CHRNB3: variants seen among roughly 807,000 people sequenced by gnomAD.
The protein encoded by CHRNB3 is cholinergic receptor nicotinic beta 3 subunit, also known as neuronal acetylcholine receptor subunit beta-3.
In CHRNB3, 37 loss-of-function variants were observed where a neutral mutation model predicts 40.6. The ratio of observed to expected loss-of-function variants is 0.91; its 90% CI spans 0.70 to 1.20. The LOEUF is 1.20. Ranked by LOEUF, CHRNB3 falls within the 50% of genes most tolerant of loss-of-function variation. CHRNB3 has a pLI of 0.00. For synonymous variants in CHRNB3, 207 were observed against 207.1 expected, an observed-to-expected ratio of 1.00 and a Z score of 0.00; for missense variants, 505 against 551.2, an observed-to-expected ratio of 0.92 and a Z score of 0.84.
chr8:42,710,638 G>A (rs1466991732), intron 3 of CHRNB3, among the ~76,000 whole-genome samples: 1 of 152,190 alleles, frequency 6.6e-6, no homozygotes, highest in East Asian at 1.9e-4. Context: ...TGTTGTGCGT[G>A]GTTGCTCTCA....
intron 1 of CHRNB3, among the ~76,000 whole-genome samples, chr8:42,701,226 C>CAAAAAAAAAGA (rs1815790535): frequency 4.2e-5 from 3 of 71,478 alleles, no homozygotes; most frequent in South Asian, 1.4e-3. Context: ...GACTCTGTCT[C>CAAAAAAAAAGA]AAAAAAAAAA....
intron 3 of CHRNB3, among the ~76,000 whole-genome samples, chr8:42,712,165 G>A (rs147788615): frequency 0.014 from 2,175 of 151,966 alleles, 47 homozygotes; most frequent in African/African-American, 0.049. Flanking sequence ...GCTAATTTTT[G>A]TATTTTTAGT....
chr8:42,707,097 G>A (rs527710870), intron 1 of CHRNB3, among the ~76,000 whole-genome samples: 3 of 152,284 alleles, frequency 2.0e-5, no homozygotes, highest in African/African-American at 4.8e-5. Flanking sequence ...GTAAGGTTGC[G>A]TCTCTCCCTA....
chr8:42,717,408 C>CAAAAAAAAAAA (rs1816134324), intron 3 of CHRNB3, among the ~76,000 whole-genome samples: 4 of 73,740 alleles, frequency 5.4e-5, no homozygotes, highest in Admixed American at 1.5e-4. Flanking sequence ...AAAAAAAAGC[C>CAAAAAAAAAAA]GACCTGTTGT....
At chr8:42,720,230 C>T (rs1050046996) in intron 3 of CHRNB3, among the ~76,000 whole-genome samples, 1 of 148,522 alleles carries the variant, frequency 6.7e-6, no homozygotes, top group Admixed American at 6.9e-5. Flanking sequence ...ATTCTCCTGC[C>T]TCAGCCTCCT....
chr8:42,734,516 T>C (rs557573934), intron 5 of CHRNB3, among the ~76,000 whole-genome samples: 1 of 150,384 alleles, frequency 6.6e-6, no homozygotes, highest in South Asian at 2.1e-4. Context: ...ACCTTCCGGG[T>C]TCGTGCCATT....
At chr8:42,724,639 T>A (rs1285819630) in intron 3 of CHRNB3, among the ~76,000 whole-genome samples, 1 of 152,030 alleles carries the variant, frequency 6.6e-6, no homozygotes, top group African/African-American at 2.4e-5. Flanking sequence ...GACTCCTTCC[T>A]CCATGGAATG....
intron 5 of CHRNB3, among the ~76,000 whole-genome samples, chr8:42,734,040 G>A (rs1042218496): frequency 3.3e-5 from 5 of 150,940 alleles, no homozygotes; most frequent in Admixed American, 6.6e-5. Flanking sequence ...AGTGGATCAC[G>A]AGGTCAACAG....
intron 3 of CHRNB3, among the ~76,000 whole-genome samples, chr8:42,720,798 A>C (rs368565964): frequency 2.0e-5 from 3 of 152,244 alleles, no homozygotes; most frequent in Non-Finnish European, 2.9e-5. Flanking sequence ...TAGTTCTCTT[A>C]GAACAATTTA....
chr8:42,713,157 C>G (rs1172275681), intron 3 of CHRNB3, among the ~76,000 whole-genome samples: 2 of 152,060 alleles, frequency 1.3e-5, no homozygotes, highest in Non-Finnish European at 2.9e-5. Context: ...AAGCTCTAAT[C>G]TCTCACATAA....
chr8:42,731,923 G>T lies in CHRNB3; in HGVS notation c.616G>T (p.Ala206Ser). 6.2e-7 allele frequency: 1 copy of T among 1,614,114 alleles called. No homozygotes were observed. The highest frequency in any genetic ancestry group is 2.2e-5 in the East Asian group (1 of 44,888). Residue 206 changes from alanine (A) to serine (S), a missense_variant, in exon 5 of 6, where the codon GCA becomes TCA. By Grantham distance (99) the Ala-to-Ser change is moderately conservative. Coordinates refer to ENST00000289957, the MANE Select transcript of CHRNB3 (RefSeq NM_000749.5). Reference sequence around the variant, plus strand: ...TAACGGAGAATGGGAAATACTGAACGCAAAGGGGATGAAGGGGAACAGAAG... The same window carrying T: ...TAACGGAGAATGGGAAATACTGAACTCAAAGGGGATGAAGGGGAACAGAAG... ...FDNGEWEILN[A>S]KGMKGNRRDG...
chr8:42,712,238 T>A (rs1816027894), intron 3 of CHRNB3, among the ~76,000 whole-genome samples: 1 of 152,108 alleles, frequency 6.6e-6, no homozygotes, highest in Admixed American at 6.5e-5. Context: ...GGTGATCTGC[T>A]CACCTCGGCC....
intron 5 of CHRNB3, 53 bp from the exon 6 acceptor site, chr8:42,736,431 A>G (rs938789623): frequency 6.2e-7 from 1 of 1,602,284 alleles, no homozygotes. Flanking sequence ...TGAGATGAAT[A>G]CAGAACAGTT....
intron 3 of CHRNB3, among the ~76,000 whole-genome samples, chr8:42,728,728 T>G (rs1347967309): frequency 6.6e-6 from 1 of 152,104 alleles, no homozygotes; most frequent in Non-Finnish European, 1.5e-5. Context: ...GGGCAGCACC[T>G]GGGAAATATT....
chr8:42,708,262 C>T (rs1379392714), intron 1 of CHRNB3, among the ~76,000 whole-genome samples: 1 of 152,170 alleles, frequency 6.6e-6, no homozygotes, highest in Admixed American at 6.5e-5. Context: ...GTCAGGAGAT[C>T]GAGACCATCC....
intron 1 of CHRNB3, among the ~76,000 whole-genome samples, chr8:42,699,959 A>T (rs889225111): frequency 6.6e-6 from 1 of 151,986 alleles, no homozygotes; most frequent in Non-Finnish European, 1.5e-5. Context: ...ATCAAAGCAA[A>T]AAAATCCACA....
intron 3 of CHRNB3, among the ~76,000 whole-genome samples, chr8:42,724,596 T>C (rs16891561): frequency 0.61 from 93,022 of 152,006 alleles, 32,976 homozygotes; most frequent in East Asian, 0.8. Context: ...TTTACCACCA[T>C]TAAACTCTAG....
chr8:42,735,428 C>T (rs1235588103), intron 5 of CHRNB3, among the ~76,000 whole-genome samples: 2 of 152,026 alleles, frequency 1.3e-5, no homozygotes, highest in African/African-American at 4.8e-5. Flanking sequence ...ATCCCAGTTA[C>T]TCGGGAGGCT....
At chr8:42,734,372 T>C (rs1418593219) in intron 5 of CHRNB3, among the ~76,000 whole-genome samples, 1 of 151,488 alleles carries the variant, frequency 6.6e-6, no homozygotes, top group Non-Finnish European at 1.5e-5. Context: ...CTAAAATTGA[T>C]GAAAATTAGT....
Sources: allele counts gnomAD v4.1 joint callset (sites outside exome capture counted in the v4.1 genomes callset), GRCh38; gene constraint gnomAD v4.1.1; transcripts MANE v1.5; gene names NCBI Gene and HGNC (gene_info 2026-07-23, HGNC 2026-07-21).